The following PRKN variants were observed in gnomAD, a reference collection of about 807,000 sequenced individuals.
PRKN encodes the protein parkin RBR E3 ubiquitin protein ligase.
Under a neutral mutation model 59.5 loss-of-function variants are expected in PRKN, and 56 were observed. That is an observed-to-expected ratio of 0.94 (90% CI 0.76 to 1.18). The LOEUF is 1.18. Among genes scored for constraint, PRKN ranks in the 50% most tolerant of loss-of-function variants. The pLI, the probability that PRKN is intolerant of heterozygous loss-of-function variation, is 0.00. For synonymous variants in PRKN, 250 were observed against 222.1 expected, an observed-to-expected ratio of 1.13 and a Z score of -1.12; for missense variants, 657 against 596.4, an observed-to-expected ratio of 1.10 and a Z score of -1.06.
At position 162,023,045 on chromosome 6, in the gene PRKN, G is replaced by A. The variant is rs549655604; in HGVS notation, c.618+31046C>T. ...CATTTTTGTACCAGTATTGAAATGG[G>A]AAAGGTTCCCTTGTCCCCCTAGCAG... On this transcript the variant is annotated intron_variant, in intron 5 of 11. Transcript: ENST00000366898. Among the ~76,000 whole-genome samples, 3 of 152,186 alleles carry A rather than the reference G, an allele frequency of 2.0e-5. No individual in the cohort carries two copies. In the South Asian group the frequency reaches 6.2e-4, roughly 32 times the overall value.
intron 3 of PRKN, among the ~76,000 whole-genome samples, chr6:162,213,918 G>C (rs1427671293): frequency 2.2e-4 from 33 of 149,662 alleles, no homozygotes; most frequent in Non-Finnish European, 1.5e-5. Flanking sequence ...TCCTATTCTG[G>C]AATTATTCTA....
rs575522872 is a variant in PRKN at position 161,383,657 on chromosome 6, C to T, written c.1167+3137G>A. Among the ~76,000 whole-genome samples the T allele has an allele frequency of 1.4e-4, 21 of 152,322 alleles. No homozygotes were observed. The South Asian group carries it at 3.7e-3, about 27-fold the overall frequency. ...GCTGCAGCTCATGGGGTTCATGGGACTCTTCCTCCCCCTGCCTTTACAGGC... is the reference window on the plus strand; with the variant it reads ...GCTGCAGCTCATGGGGTTCATGGGATTCTTCCTCCCCCTGCCTTTACAGGC... On this transcript the variant is annotated intron_variant, in intron 10 of 11. Coordinates refer to ENST00000366898, the MANE Select transcript of PRKN (RefSeq NM_004562.3).
chr6:162,717,102 G>A (rs1464951201), intron 1 of PRKN, among the ~76,000 whole-genome samples: 2 of 152,276 alleles, frequency 1.3e-5, no homozygotes, highest in Non-Finnish European at 2.9e-5. Context: ...TAAGAGGAAG[G>A]CAGAGCAAGA....
rs147754570 is a variant in PRKN at position 162,696,733 on chromosome 6, A to T, written c.7+30929T>A. Among the ~76,000 whole-genome samples, 14 of 151,602 alleles carry T rather than the reference A, an allele frequency of 9.2e-5. No homozygotes were observed. In the East Asian group the frequency reaches 2.7e-3, roughly 30 times the overall value. ...TAATTTTTTTAAATCTTTTGTAGAG[A>T]TGGGGTCTTGCCATGTTGCATAAGC... On this transcript the variant is annotated intron_variant, in intron 1 of 11. Coordinates refer to ENST00000366898, the MANE Select transcript of PRKN (RefSeq NM_004562.3).
intron 7 of PRKN, among the ~76,000 whole-genome samples, chr6:161,657,240 C>G (rs1264819932): frequency 2.6e-5 from 4 of 152,186 alleles, no homozygotes; most frequent in Non-Finnish European, 5.9e-5. Context: ...TCCCAGTGAC[C>G]TCACGGCTCT....
chr6:161,592,721 C>T lies in PRKN; in HGVS notation c.872-23305G>A, dbSNP rs747870726. Among the ~76,000 whole-genome samples the T allele has an allele frequency of 6.6e-6, 1 of 152,198 alleles. No individual in the cohort carries two copies. Among genetic ancestry groups the T allele is most frequent in the South Asian group, 2.1e-4 (1 of 4,814 alleles). On this transcript the variant is annotated intron_variant, in intron 7 of 11. Coordinates refer to ENST00000366898, the MANE Select transcript of PRKN (RefSeq NM_004562.3). The surrounding 1 kb of genome is among the most constrained non-coding windows in gnomAD (Gnocchi z 4.8). The stretch of plus-strand genomic sequence containing the variant: ...AGCAAAGTCTTCACTAGGGAGGTCC[C>T]TTGTGCAGACCAAGGGACAGCCAGG...
chr6:162,299,368 T>A (rs1781836332), intron 2 of PRKN, among the ~76,000 whole-genome samples: 1 of 152,140 alleles, frequency 6.6e-6, no homozygotes, highest in Admixed American at 6.6e-5. Flanking sequence ...TTCTGGTTTT[T>A]ACCCTTAGGT....
At chr6:161,641,023 A>G (rs1783718460) in intron 7 of PRKN, among the ~76,000 whole-genome samples, 1 of 152,210 alleles carries the variant, frequency 6.6e-6, no homozygotes, top group African/African-American at 2.4e-5. Flanking sequence ...AGTGAAAGAG[A>G]TCTGACCAAA....
intron 7 of PRKN, among the ~76,000 whole-genome samples, chr6:161,672,775 C>CACAAA (rs138569552): frequency 0.022 from 3,329 of 152,200 alleles, 52 homozygotes; most frequent in Non-Finnish European, 0.033. Context: ...GACTCCATTA[C>CACAAA]ACAAAACAAA....
chr6:162,718,466 C>T (rs1778808127), intron 1 of PRKN, among the ~76,000 whole-genome samples: 1 of 152,106 alleles, frequency 6.6e-6, no homozygotes, highest in Non-Finnish European at 1.5e-5. Context: ...AATCTCAGCA[C>T]TTTGGGAGGC....
intron 2 of PRKN, among the ~76,000 whole-genome samples, chr6:162,387,531 A>AACACACACAC (rs1157932001): frequency 1.1e-4 from 14 of 121,920 alleles, no homozygotes; most frequent in African/African-American, 4.6e-4. Flanking sequence ...CCCTCCTCAC[A>AACACACACAC]ACACACACAC....
intron 7 of PRKN, among the ~76,000 whole-genome samples, chr6:161,707,839 T>C (rs2128181311): frequency 6.6e-6 from 1 of 152,264 alleles, no homozygotes; most frequent in East Asian, 1.9e-4. Flanking sequence ...GCAAGGAAGC[T>C]TCCTAGGGCT....
chr6:161,572,039 T>TGCAGATG (rs1241747217), intron 7 of PRKN, among the ~76,000 whole-genome samples: 1 of 152,142 alleles, frequency 6.6e-6, no homozygotes, highest in African/African-American at 2.4e-5. Flanking sequence ...TTTTCCAGCT[T>TGCAGATG]GCAGATGGCA....
At chr6:162,073,597 G>A (rs1778680073) in intron 4 of PRKN, among the ~76,000 whole-genome samples, 1 of 152,064 alleles carries the variant, frequency 6.6e-6, no homozygotes, top group Non-Finnish European at 1.5e-5. Context: ...GACTCCAGAC[G>A]TGCATCACCA....
intron 4 of PRKN, among the ~76,000 whole-genome samples, chr6:162,131,089 T>C (rs1051737256): frequency 3.9e-5 from 6 of 152,208 alleles, no homozygotes; most frequent in South Asian, 4.1e-4. Flanking sequence ...CACAGCTTCA[T>C]GGCATTCATT....
chr6:162,094,154 G>T (rs575869009), intron 4 of PRKN, among the ~76,000 whole-genome samples: 2 of 152,288 alleles, frequency 1.3e-5, no homozygotes, highest in East Asian at 3.9e-4. Context: ...GAACCAACAA[G>T]CAGCCCAGTG....
intron 3 of PRKN, among the ~76,000 whole-genome samples, chr6:162,205,255 T>C (rs1453116463): frequency 6.6e-6 from 1 of 152,176 alleles, no homozygotes. Flanking sequence ...GTCAAAAAAG[T>C]TGCTGAAATA....
At chr6:162,632,616 C>T (rs1777539009) in intron 1 of PRKN, among the ~76,000 whole-genome samples, 1 of 151,778 alleles carries the variant, frequency 6.6e-6, no homozygotes, top group African/African-American at 2.4e-5. Context: ...ATGTAACAAA[C>T]CTACACATGT....
chr6:162,447,305 C>T (rs66461365), intron 1 of PRKN, among the ~76,000 whole-genome samples: 13,622 of 152,128 alleles, frequency 0.09, 683 homozygotes, highest in African/African-American at 0.14. Flanking sequence ...TTCTGCTCCT[C>T]TTGGTGGACA....
Sources: gnomAD v4.1 joint callset for allele counts (sites outside exome capture counted in the v4.1 genomes callset) on GRCh38, gnomAD v4.1.1 for gene constraint, Gnocchi (gnomAD v3.1) non-coding constraint, MANE v1.5 for transcripts, NCBI Gene and HGNC (gene_info 2026-07-23, HGNC 2026-07-21) for gene names.